The following NBR1 variants were observed in gnomAD, a reference collection of about 807,000 sequenced individuals.
The protein encoded by NBR1 is NBR1 autophagy cargo receptor, also known as next to BRCA1 gene 1 protein.
NBR1 carries 59 observed loss-of-function variants against 115.5 expected under a neutral mutation model. That is an observed-to-expected ratio of 0.51 (90% CI 0.41 to 0.63). The LOEUF (loss-of-function observed/expected upper bound fraction) is 0.63. NBR1 is among the 30% of genes least tolerant of loss of function. The pLI is 0.00. For missense variants in NBR1, 1,043 were observed against 1,150.5 expected, an observed-to-expected ratio of 0.91 and a Z score of 1.35; for synonymous variants, 373 against 414.7, an observed-to-expected ratio of 0.90 and a Z score of 1.22.
chr17:43,205,798 AGCCC>A (rs1343688044), intron 20 of NBR1, among the ~76,000 whole-genome samples: 3 of 149,442 alleles, frequency 2.0e-5, no homozygotes, highest in Admixed American at 1.4e-4. Flanking sequence ...AGATCACTTC[AGCCC>A]GGGAGGCAGA....
chr17:43,192,781 A>G (rs2056979351), intron 10 of NBR1, among the ~76,000 whole-genome samples: 1 of 152,204 alleles, frequency 6.6e-6, no homozygotes, highest in Admixed American at 6.5e-5. Context: ...TCTGGAATTG[A>G]AGCAAAAGGA....
chr17:43,194,704 T>A (rs941648865), intron 13 of NBR1: 6 of 656,820 alleles, frequency 9.1e-6, no homozygotes, highest in Non-Finnish European at 1.3e-5. Flanking sequence ...AATCCTGTAC[T>A]TCCCCACAAA....
rs1231717283 is a variant in NBR1, at chr17:43,190,284, T to C, written c.696-325T>C. On this transcript the variant is annotated intron_variant, in intron 8 of 20. Transcript: ENST00000590996. ...TGGGGTCTCCCTATATTGCCCAGGC[T>C]AGTCTCAAACTACTGGACTCAAATG... 2.2e-5 allele frequency: 8 copies of C among 369,508 alleles called. No homozygotes were observed. The East Asian group carries it at 5.5e-4, about 25-fold the overall frequency. The allele number at this position is 369,508 out of a possible 1,614,324, so 22.9% of individuals were successfully genotyped here.
chr17:43,193,884 A>G (rs943873391), intron 12 of NBR1, among the ~76,000 whole-genome samples: 22 of 152,192 alleles, frequency 1.4e-4, no homozygotes, highest in African/African-American at 4.8e-4. Context: ...TTGCATGGTC[A>G]GCCTGTTGGC....
At chr17:43,177,868 G>T in intron 2 of NBR1, 68 bp from the exon 3 acceptor site, 1 of 1,274,362 alleles carries the variant, frequency 7.8e-7, no homozygotes, top group Non-Finnish European at 1.0e-6. Context: ...TTTTGATTTT[G>T]TGGGTTTTTT....
At chr17:43,190,826 C>G in intron 9 of NBR1, 50 bp downstream of exon 9, 1 of 1,521,814 alleles carries the variant, frequency 6.6e-7, no homozygotes, top group Non-Finnish European at 8.8e-7. Flanking sequence ...CTTCTTGGTT[C>G]TGGTGACAGG....
intron 19 of NBR1, among the ~76,000 whole-genome samples, chr17:43,203,033 G>A (rs2057237877): frequency 6.6e-6 from 1 of 152,088 alleles, no homozygotes; most frequent in Non-Finnish European, 1.5e-5. Context: ...GCGGGCACCT[G>A]TAATCCCAGC....
At position 43,189,080 on chromosome 17, in the gene NBR1, A is replaced by G; in HGVS notation, c.441A>G (p.Gln147=). 1.2e-6 allele frequency: 2 copies of G among 1,613,684 alleles called. No individual in the cohort carries two copies. The highest frequency in any genetic ancestry group is 1.7e-6 in the Non-Finnish European group (2 of 1,179,584). The change falls in exon 7 of 21, where the codon CAA becomes CAG. Residue 147 remains glutamine, a synonymous_variant. Transcript: ENST00000590996. ...PLVPCDTDQP[Q]DKPPDWFTSY... ...TTCCATGTGACACAGACCAGCCTCA[A>G]GACAAGCCCCCAGACTGGTTCACAA...
At position 43,210,249 on chromosome 17, in the gene NBR1, A is replaced by G. The variant is rs942965627; in HGVS notation, c.*175A>G. ...TATTTTGGGGAGCAAACTAAAGACC[A>G]GAACTTAAATTTTCACTTTAGACAT... On this transcript the variant is annotated 3_prime_UTR_variant, in exon 21 of 21. Transcript: ENST00000590996. 2.0e-6 allele frequency: 1 copy of G among 488,252 alleles called. No individual in the cohort carries two copies. Among genetic ancestry groups the G allele is most frequent in the Non-Finnish European group, 3.3e-6 (1 of 300,540 alleles). The allele number at this position is 488,252 out of a possible 1,614,324, so 30.2% of individuals were successfully genotyped here.
intron 20 of NBR1, among the ~76,000 whole-genome samples, chr17:43,205,408 T>A (rs967340710): frequency 3.9e-5 from 6 of 152,156 alleles, no homozygotes; most frequent in African/African-American, 1.2e-4. Flanking sequence ...CACTTCAGCC[T>A]GGTGTGCCCA....
Position 43,189,562 on chromosome 17 carries a change from TCCCTACC to T in NBR1, c.481-25_481-19del. 1 of 1,573,514 alleles carries T rather than the reference TCCCTACC, an allele frequency of 6.4e-7. No homozygotes were observed. ...TTTCTGATATTGGAACTGAGTTTTTTCCCTACCTTCTGCTCCATATTCTAGTTCAGAG... is the reference window on the plus strand; with the variant it reads ...TTTCTGATATTGGAACTGAGTTTTTTTTCTGCTCCATATTCTAGTTCAGAG... On this transcript the variant is annotated intron_variant, in intron 7 of 20. Coordinates refer to ENST00000590996, the MANE Select transcript of NBR1 (RefSeq NM_005899.5).
chr17:43,177,744 T>C (rs1166364475), intron 2 of NBR1, among the ~76,000 whole-genome samples, 192 bp from the exon 3 acceptor site: 4 of 152,216 alleles, frequency 2.6e-5, no homozygotes. Context: ...ATGAATTTTA[T>C]GTATATTTTT....
intron 17 of NBR1, among the ~76,000 whole-genome samples, chr17:43,201,290 G>A (rs541716353): frequency 6.6e-6 from 1 of 152,188 alleles, no homozygotes; most frequent in Non-Finnish European, 1.5e-5. Flanking sequence ...TCCATTATGG[G>A]AAAAAACACT....
Position 43,191,569 on chromosome 17 carries a change from C to T in NBR1, c.1061C>T (p.Ser354Phe). The change falls in exon 10 of 21, where the codon TCT becomes TTT. Residue 354 changes from serine (S) to phenylalanine (F), a missense_variant. Ser to Phe is a radical substitution (Grantham distance 155). Transcript: ENST00000590996. ...GGCCGACCTGAGAGCTTGCTCCAGT[C>T]TAATACCCTGATGTAAGCCCAGGAC... Reference protein sequence around the residue: ...PLGRPESLLQSNTLMLPLQPC... With the variant: ...PLGRPESLLQFNTLMLPLQPC... The T allele has an allele frequency of 6.2e-7, 1 of 1,610,626 alleles. No individual in the cohort carries two copies. Among genetic ancestry groups the T allele is most frequent in the South Asian group, 1.1e-5 (1 of 90,348 alleles).
intron 1 of NBR1, 27 bp downstream of exon 1, chr17:43,171,329 G>A (rs568618451): frequency 6.5e-6 from 1 of 152,804 alleles, no homozygotes; most frequent in Non-Finnish European, 1.5e-5. Context: ...GGTTACCTAG[G>A]GGTGGGGTCA....
chr17:43,190,187 C>CA (rs1347532608), intron 8 of NBR1: 4 of 305,846 alleles, frequency 1.3e-5, no homozygotes, highest in Non-Finnish European at 2.5e-5. Flanking sequence ...CTCCCAGGCT[C>CA]AGACAATCCT....
At chr17:43,196,086 A>G (rs2154582283) in intron 14 of NBR1, 1 of 156,096 alleles carries the variant, frequency 6.4e-6, no homozygotes, top group East Asian at 1.9e-4. Context: ...GTGCCACTGC[A>G]TTCTAGCCTG....
Position 43,210,912 on chromosome 17 carries a change from C to A in NBR1, c.*838C>A. On this transcript the variant is annotated 3_prime_UTR_variant, in exon 21 of 21. Transcript: ENST00000590996. ...GTTGCCTTTTTTCTTAATGTCAGGG[C>A]AGATCTTATTTTACAGTACAGTGGG... 2.5e-6 allele frequency: 1 copy of A among 392,686 alleles called. No homozygotes were observed. Among genetic ancestry groups the A allele is most frequent in the Non-Finnish European group, 4.5e-6 (1 of 223,040 alleles). The allele number at this position is 392,686 out of a possible 1,614,324, so 24.3% of individuals were successfully genotyped here.
rs1259571654 is a variant in NBR1, at chr17:43,211,611, G to T, written c.*1537G>T. 1 of 152,274 alleles carries T rather than the reference G, an allele frequency of 6.6e-6. No individual in the cohort carries two copies. Among genetic ancestry groups the T allele is most frequent in the Non-Finnish European group, 1.5e-5 (1 of 68,030 alleles). The allele number at this position is 152,274 out of a possible 1,614,324, so 9.4% of individuals were successfully genotyped here. The stretch of plus-strand genomic sequence containing the variant: ...TATAATCGAGGGCCAGGAGGGCCCG[G>T]GTTGCTCTCCTGGTTATGTATGTAC... On this transcript the variant is annotated 3_prime_UTR_variant, in exon 21 of 21. Coordinates refer to ENST00000590996, the MANE Select transcript of NBR1 (RefSeq NM_005899.5).
Sources: allele counts gnomAD v4.1 joint callset (sites outside exome capture counted in the v4.1 genomes callset), GRCh38; gene constraint gnomAD v4.1.1; transcripts MANE v1.5; gene names NCBI Gene and HGNC (gene_info 2026-07-23, HGNC 2026-07-21).